NUP58: variants seen among roughly 807,000 people sequenced by gnomAD.
The protein encoded by NUP58 is nucleoporin p58/p45.
Under a neutral mutation model 70.1 loss-of-function variants are expected in NUP58, and 17 were observed. That is an observed-to-expected ratio of 0.24 (90% CI 0.17 to 0.36). The LOEUF (loss-of-function observed/expected upper bound fraction) is 0.36. NUP58 is among the 10% of genes least tolerant of loss of function. The probability of loss-of-function intolerance (pLI) is 1.00; values close to 1 mark genes in which losing one functional copy is unlikely to be tolerated. For synonymous variants in NUP58, 275 were observed against 257.6 expected (o/e 1.07, Z -0.65); for missense variants, 644 against 701.5 (o/e 0.92, Z 0.93).
intron 9 of NUP58, among the ~76,000 whole-genome samples, chr13:25,321,912 C>A (rs1253470713): frequency 1.3e-5 from 2 of 151,954 alleles, no homozygotes; most frequent in Non-Finnish European, 2.9e-5. Context: ...AGCAAAACTC[C>A]GTCTCAAAAA....
chr13:25,302,811 A>G, intron 1 of NUP58: 1 of 381,356 alleles, frequency 2.6e-6, no homozygotes, highest in Non-Finnish European at 5.2e-6. Flanking sequence ...CACGGACTAC[A>G]CAGTCAATTC....
chr13:25,312,849 G>T (rs563221484), intron 3 of NUP58, 34 bp from the exon 4 acceptor site: 3 of 1,546,488 alleles, frequency 1.9e-6, no homozygotes, highest in African/African-American at 1.4e-5. Context: ...TAGGATTTTT[G>T]TTTGTTTGTT....
At chr13:25,335,622 A>G (rs2031753077) in intron 13 of NUP58, 4 of 984,816 alleles carry the variant, frequency 4.1e-6, no homozygotes, top group South Asian at 4.7e-5. Flanking sequence ...TCTGGCTGCT[A>G]TTAGTTATTG....
intron 9 of NUP58, among the ~76,000 whole-genome samples, chr13:25,323,957 T>G (rs1319780001): frequency 6.6e-6 from 1 of 152,142 alleles, no homozygotes; most frequent in Admixed American, 6.6e-5. Context: ...CAAGTGGGCA[T>G]TTTTATCATC....
At chr13:25,336,663 A>G (rs909394709) in intron 13 of NUP58, among the ~76,000 whole-genome samples, 2 of 152,220 alleles carry the variant, frequency 1.3e-5, no homozygotes. Context: ...AGATTAAACT[A>G]ACGTCTTTCA....
chr13:25,349,551 TTC>T (rs1356377601), intron 3 of NUP58: 3 of 152,670 alleles, frequency 2.0e-5, no homozygotes, highest in Non-Finnish European at 4.4e-5. Flanking sequence ...TAAACGATTT[TTC>T]TCTTTCAGGC....
downstream of NUP58, among the ~76,000 whole-genome samples, chr13:25,345,606 G>A (rs2032040190): frequency 6.6e-6 from 1 of 152,040 alleles, no homozygotes; most frequent in African/African-American, 2.4e-5. Context: ...TGTCCACCTT[G>A]GAAAAGGTAA....
chr13:25,314,288 TA>T (rs1257893873), intron 5 of NUP58, among the ~76,000 whole-genome samples: 1 of 151,428 alleles, frequency 6.6e-6, no homozygotes, highest in African/African-American at 2.4e-5. Context: ...ACTAACCAGA[TA>T]AGGAAACAAA....
Position 25,301,699 on chromosome 13 carries a change from C to A in NUP58, c.-75C>A. ...CCGGGCGAGAGAGATGCTGCCCGGC[C>A]CGCCTCGGCTTTGAGGCGAGAGAAG... On this transcript the variant is annotated 5_prime_UTR_variant, in exon 1 of 16. Coordinates refer to ENST00000381736, the MANE Select transcript of NUP58 (RefSeq NM_014089.4). The A allele has an allele frequency of 1.3e-6, 1 of 762,664 alleles. No homozygotes were observed. Among genetic ancestry groups the A allele is most frequent in the African/African-American group, 1.8e-5 (1 of 54,884 alleles). The allele number at this position is 762,664 out of a possible 1,614,324, so 47.2% of individuals were successfully genotyped here. A position where few individuals can be genotyped will look rare whatever the true frequency, so the allele number is the denominator to read the frequency against.
chr13:25,321,200 C>T (rs1054140218), intron 9 of NUP58, 107 bp downstream of exon 9: 21 of 911,622 alleles, frequency 2.3e-5, no homozygotes, highest in African/African-American at 1.7e-4. Context: ...AAATTTGATA[C>T]ATGCATACCG....
At chr13:25,321,875 C>T (rs1175499614) in intron 9 of NUP58, among the ~76,000 whole-genome samples, 1 of 152,098 alleles carries the variant, frequency 6.6e-6, no homozygotes, top group Non-Finnish European at 1.5e-5. Flanking sequence ...CAAGATTGCA[C>T]CATTGTACTC....
intron 13 of NUP58, chr13:25,333,833 T>C (rs924197790): frequency 4.1e-6 from 4 of 985,412 alleles, no homozygotes; most frequent in Non-Finnish European, 4.8e-6. Flanking sequence ...TAGAGAGAGC[T>C]TATGCATTGT....
intron 14 of NUP58, 146 bp from the exon 15 acceptor site, chr13:25,338,490 A>G (rs1373101194): frequency 1.9e-6 from 1 of 531,522 alleles, no homozygotes; most frequent in Non-Finnish European, 3.4e-6. Context: ...AGTCTCATGC[A>G]AAGGAGTAAG....
At chr13:25,313,781 G>T in intron 5 of NUP58, 30 bp downstream of exon 5, 1 of 1,473,352 alleles carries the variant, frequency 6.8e-7, no homozygotes, top group Non-Finnish European at 9.0e-7. Context: ...CTCCAGAATA[G>T]TAAATATTTA....
chr13:25,313,771 C>G lies in NUP58; in HGVS notation c.574+20C>G. The G allele has an allele frequency of 1.3e-6, 2 of 1,499,800 alleles. No individual in the cohort carries two copies. Among genetic ancestry groups the G allele is most frequent in the Non-Finnish European group, 1.8e-6 (2 of 1,133,652 alleles). The allele number at this position is 1,499,800 out of a possible 1,614,324, so 92.9% of individuals were successfully genotyped here. The stretch of plus-strand genomic sequence containing the variant: ...CATCAGGTAATTGATGGTATTTATT[C>G]TCCAGAATAGTAAATATTTATATTT... On this transcript the variant is annotated intron_variant, in intron 5 of 15. Coordinates refer to ENST00000381736, the MANE Select transcript of NUP58 (RefSeq NM_014089.4).
intron 6 of NUP58, among the ~76,000 whole-genome samples, chr13:25,317,508 C>G (rs570751725): frequency 1.6e-4 from 24 of 152,180 alleles, no homozygotes; most frequent in African/African-American, 5.3e-4. Flanking sequence ...AATCAGGGAT[C>G]CATGGTAGAA....
Position 25,321,038 on chromosome 13 carries a change from A to G in NUP58, c.896A>G (p.Asn299Ser), listed in dbSNP as rs377353002. The G allele has an allele frequency of 1.2e-4, 195 of 1,601,526 alleles. 2 individuals carry two copies. Among genetic ancestry groups the G allele is most frequent in the South Asian group, 1.1e-3 (95 of 88,200 alleles). The part of the protein sequence containing the change: ...ALKQLLSLAA[N>S]GIQRNTLNID... ...AAGCAGCTCCTGTCGTTGGCTGCCAATGGAATACAGAGAAACACTCTCAAC... is the reference window on the plus strand; with the variant it reads ...AAGCAGCTCCTGTCGTTGGCTGCCAGTGGAATACAGAGAAACACTCTCAAC... The change falls in exon 9 of 16, where the codon AAT (asparagine) becomes AGT (serine). Residue 299 changes from asparagine to serine, a missense_variant. Around this residue, in one of 4 missense-constraint regions of NUP58, gnomAD observed 430 missense variants for 409.2 expected, o/e 1.05. Transcript: ENST00000381736.
At chr13:25,346,018 C>T (rs1160280305), downstream of NUP58, among the ~76,000 whole-genome samples, 1 of 152,174 alleles carries the variant, frequency 6.6e-6, no homozygotes, top group Non-Finnish European at 1.5e-5. Flanking sequence ...TTGGGGAGAA[C>T]TCCTTTCTTG....
chr13:25,312,999 A>C lies in NUP58; in HGVS notation c.403A>C (p.Thr135Pro). Residue 135 changes from threonine (T) to proline (P), a missense_variant, in exon 4 of 16, where the codon ACT becomes CCT. Physicochemically the swap from Thr to Pro is conservative, Grantham distance 38. This residue lies in a region of NUP58 where 430 missense variants were observed against 409.2 expected (regional missense o/e 1.05). Transcript: ENST00000381736. ...TACCTCTACCTCAGCTAGCGGTCTG[A>C]CTCTTTCGTCTGCTCTGACATCAAC... Reference protein sequence around the residue: ...PITSTSASGLTLSSALTSTPA... With the variant: ...PITSTSASGLPLSSALTSTPA... 1 of 1,613,990 alleles carries C rather than the reference A, an allele frequency of 6.2e-7. No individual in the cohort carries two copies. Among genetic ancestry groups the C allele is most frequent in the Non-Finnish European group, 8.5e-7 (1 of 1,179,978 alleles).
Sources: allele counts gnomAD v4.1 joint callset (sites outside exome capture counted in the v4.1 genomes callset), GRCh38; gene constraint gnomAD v4.1.1; regional missense constraint gnomAD v4.1.1; transcripts MANE v1.5; gene names NCBI Gene and HGNC (gene_info 2026-07-23, HGNC 2026-07-21).